The following COL25A1 variants were observed in gnomAD, a reference collection of about 807,000 sequenced individuals.
COL25A1 encodes collagen type XXV alpha 1 chain.
COL25A1 carries 103 observed loss-of-function variants against 128.4 expected under a neutral mutation model. That is an observed-to-expected ratio of 0.80 (90% CI 0.68 to 0.94). COL25A1 has a LOEUF of 0.94. Among genes scored for constraint, COL25A1 ranks in the 40% least tolerant of loss-of-function variants. COL25A1 has a pLI of 0.00. For missense variants in COL25A1, 745 were observed against 840.0 expected, an observed-to-expected ratio of 0.89 and a Z score of 1.40; for synonymous variants, 279 against 277.2, an observed-to-expected ratio of 1.01 and a Z score of -0.06.
At chr4:109,118,975 A>G (rs1579426270) in intron 3 of COL25A1, among the ~76,000 whole-genome samples, 2 of 152,096 alleles carry the variant, frequency 1.3e-5, no homozygotes, top group Non-Finnish European at 2.9e-5. Context: ...GGACTAAAAC[A>G]TGCCTTAACA....
chr4:109,265,016 G>A (rs1440677524), intron 3 of COL25A1, among the ~76,000 whole-genome samples: 1 of 148,060 alleles, frequency 6.8e-6, no homozygotes, highest in African/African-American at 2.5e-5. Flanking sequence ...GCCTTTTTTT[G>A]TATAAAGAAA....
At chr4:108,899,788 G>A (rs1211070239) in intron 14 of COL25A1, among the ~76,000 whole-genome samples, 3 of 152,054 alleles carry the variant, frequency 2.0e-5, no homozygotes, top group Non-Finnish European at 4.4e-5. Flanking sequence ...CTAGAATGGG[G>A]CAGAATTGAA....
At chr4:109,056,736 G>C (rs1012041769) in intron 3 of COL25A1, among the ~76,000 whole-genome samples, 1 of 152,136 alleles carries the variant, frequency 6.6e-6, no homozygotes, top group Admixed American at 6.5e-5. Flanking sequence ...ATGTATGTGT[G>C]TACTGGTTTA....
chr4:109,014,604 T>C (rs1220558031), intron 5 of COL25A1, among the ~76,000 whole-genome samples: 1 of 152,248 alleles, frequency 6.6e-6, no homozygotes, highest in African/African-American at 2.4e-5. Flanking sequence ...CATTGCATTA[T>C]GGATTTTATG....
At position 108,920,620 on chromosome 4, in the gene COL25A1, G is replaced by A; in HGVS notation, c.709-16C>T. The A allele has an allele frequency of 3.1e-6, 5 of 1,594,746 alleles. No individual in the cohort carries two copies. The highest frequency in any genetic ancestry group is 1.3e-5 in the African/African-American group (1 of 74,378). ...CTAGAGGACCCTAAAAAAGAAAAAC[G>A]ATTCAATTAACATACTATTGTAGCC... is the stretch of plus-strand genomic sequence containing the variant. On this transcript the variant is annotated splice_polypyrimidine_tract_variant and intron_variant, in intron 11 of 37. Transcript: ENST00000399132.
intron 8 of COL25A1, among the ~76,000 whole-genome samples, chr4:108,949,704 T>G (rs1749180570): frequency 6.6e-6 from 1 of 152,052 alleles, no homozygotes; most frequent in Admixed American, 6.5e-5. Flanking sequence ...TGCTAATTTT[T>G]TTTTGCATTT....
At position 108,817,400 on chromosome 4, in the gene COL25A1, T is replaced by G. The variant is rs747603718; in HGVS notation, c.1959A>C (p.Gln653His). 5.0e-6 allele frequency: 8 copies of G among 1,613,278 alleles called. No homozygotes were observed. The South Asian group carries it at 8.8e-5, about 18-fold the overall frequency. ...PDGLPMPGCW[Q>H]K ...GAAATTATTCAGTAAAGCCTACCTT[T>G]TGCCAACAGCCAGGCATGGGTAAGC... Residue 653 changes from glutamine (Q) to histidine (H), a missense_variant, in exon 37 of 38, where the codon CAA becomes CAC. Physicochemically the swap from Gln to His is conservative, Grantham distance 24. Coordinates refer to ENST00000399132, the MANE Select transcript of COL25A1 (RefSeq NM_198721.4).
intron 16 of COL25A1, 24 bp downstream of exon 16, chr4:108,896,643 C>T (rs941130893): frequency 3.3e-5 from 53 of 1,609,962 alleles, no homozygotes; most frequent in Non-Finnish European, 4.5e-5. Flanking sequence ...CATATGTACC[C>T]TTTCATGTCT....
intron 26 of COL25A1, among the ~76,000 whole-genome samples, chr4:108,849,279 C>T (rs1427877126): frequency 6.6e-6 from 1 of 152,140 alleles, no homozygotes; most frequent in East Asian, 1.9e-4. Flanking sequence ...TTAATTGGCA[C>T]AGTTCAAACA....
chr4:109,244,563 G>A (rs924433855), intron 3 of COL25A1, among the ~76,000 whole-genome samples: 3 of 151,836 alleles, frequency 2.0e-5, no homozygotes, highest in Admixed American at 1.3e-4. Context: ...TAATTATGAG[G>A]GCCTAGTTAT....
chr4:109,000,837 G>A lies in COL25A1; in HGVS notation c.438+9521C>T, dbSNP rs538310268. ...GGAGAAATTACATTTAGTTAAGGGAGAGTAAAGACTTCTTAATAGAAGAAG... is the reference window on the plus strand; with the variant it reads ...GGAGAAATTACATTTAGTTAAGGGAAAGTAAAGACTTCTTAATAGAAGAAG... On this transcript the variant is annotated intron_variant, in intron 6 of 37. Transcript: ENST00000399132. Among the ~76,000 whole-genome samples the A allele has an allele frequency of 5.3e-4, 71 of 134,186 alleles. 1 individual carries two copies. The highest frequency in any genetic ancestry group is 1.8e-3 in the African/African-American group (70 of 38,566). 88.0% of individuals were successfully genotyped at this position (134,186 alleles called of 152,430 possible). A position where few individuals can be genotyped will look rare whatever the true frequency, so the allele number is the denominator to read the frequency against.
intron 3 of COL25A1, among the ~76,000 whole-genome samples, chr4:109,191,098 G>A (rs1035310094): frequency 6.6e-5 from 10 of 152,094 alleles, no homozygotes; most frequent in African/African-American, 1.4e-4. Context: ...TCACTATTCC[G>A]AAGCAAACAG....
chr4:109,216,441 A>C (rs1278042186), intron 3 of COL25A1, among the ~76,000 whole-genome samples: 2 of 152,178 alleles, frequency 1.3e-5, no homozygotes, highest in African/African-American at 4.8e-5. Context: ...ATACCTGTGT[A>C]TATGACCTTA....
intron 5 of COL25A1, among the ~76,000 whole-genome samples, chr4:109,011,808 A>C (rs554783712): frequency 2.6e-5 from 4 of 152,336 alleles, no homozygotes; most frequent in African/African-American, 9.6e-5. Flanking sequence ...AGCATTCTTC[A>C]AGTGCTTAAC....
At chr4:109,197,826 G>C (rs1222169053) in intron 3 of COL25A1, among the ~76,000 whole-genome samples, 1 of 151,872 alleles carries the variant, frequency 6.6e-6, no homozygotes, top group Non-Finnish European at 1.5e-5. Flanking sequence ...AGATGAATAA[G>C]TTATTCATCC....
chr4:109,258,031 TTG>T (rs1781188872), intron 3 of COL25A1, among the ~76,000 whole-genome samples: 1 of 152,222 alleles, frequency 6.6e-6, no homozygotes, highest in African/African-American at 2.4e-5. Context: ...TAAATCATCA[TTG>T]ATGCCTTCTT....
intron 8 of COL25A1, among the ~76,000 whole-genome samples, chr4:108,952,892 C>A (rs1288279676): frequency 8.0e-6 from 1 of 125,400 alleles, no homozygotes; most frequent in Non-Finnish European, 1.6e-5. Context: ...GCATAAGTGT[C>A]CTGCCATTCT....
intron 3 of COL25A1, among the ~76,000 whole-genome samples, chr4:109,067,080 CAT>C (rs1762512257): frequency 6.6e-6 from 1 of 152,164 alleles, no homozygotes; most frequent in South Asian, 2.1e-4. Flanking sequence ...CATATAGACA[CAT>C]GTGGCCTTCA....
At chr4:108,950,436 C>T (rs1749275526) in intron 8 of COL25A1, among the ~76,000 whole-genome samples, 2 of 152,160 alleles carry the variant, frequency 1.3e-5, no homozygotes, top group African/African-American at 4.8e-5. Flanking sequence ...GATTCCCATG[C>T]CCCATAGGTG....
Sources: gnomAD v4.1 joint callset for allele counts (sites outside exome capture counted in the v4.1 genomes callset) on GRCh38, gnomAD v4.1.1 for gene constraint, MANE v1.5 for transcripts, NCBI Gene and HGNC (gene_info 2026-07-23, HGNC 2026-07-21) for gene names.